The following RPS6KC1 variants were observed in gnomAD, a reference collection of about 807,000 sequenced individuals.
RPS6KC1 encodes the protein inactive ribosomal protein S6 kinase delta-1.
A neutral mutation model predicts 103.8 loss-of-function variants in RPS6KC1; 54 were observed. The observed-to-expected ratio is 0.52, with a 90% confidence interval of 0.42 to 0.65. The LOEUF (loss-of-function observed/expected upper bound fraction) is 0.65, where lower values mean the gene tolerates loss of function less well. Ranked by LOEUF, RPS6KC1 falls within the 30% of genes least tolerant of loss-of-function variation. The pLI, the probability that RPS6KC1 is intolerant of heterozygous loss-of-function variation, is 0.00. For missense variants in RPS6KC1, 1,151 were observed against 1,253.8 expected, an observed-to-expected ratio of 0.92 and a Z score of 1.24; for synonymous variants, 439 against 438.7, an observed-to-expected ratio of 1.00 and a Z score of -0.01.
At chr1:213,759,387 T>G in the RPS6KC1 span, among the ~76,000 whole-genome samples, 2 of 152,256 alleles carry the variant, frequency 1.3e-5, no homozygotes, top group African/African-American at 2.4e-5. Context: ...GATACTTGCT[T>G]CATTGCAATG....
chr1:213,151,049 C>T (rs2088718639), intron 6 of RPS6KC1, among the ~76,000 whole-genome samples: 1 of 145,988 alleles, frequency 6.8e-6, no homozygotes, highest in African/African-American at 2.5e-5. Context: ...AGGGGCTCCT[C>T]ACTTCCCAGT....
At chr1:213,399,306 C>A in the RPS6KC1 span, among the ~76,000 whole-genome samples, 1 of 152,190 alleles carries the variant, frequency 6.6e-6, no homozygotes, top group Non-Finnish European at 1.5e-5. Flanking sequence ...CAGGATGCAA[C>A]TCAGTCCTGG....
the RPS6KC1 span, among the ~76,000 whole-genome samples, chr1:213,428,452 CCCTTCCTTCTTT>C: frequency 4.5e-5 from 4 of 89,842 alleles, no homozygotes; most frequent in Non-Finnish European, 4.4e-5. Context: ...ATCCCTCCCT[CCCTTCCTTCTTT>C]CCTCCCTCCC....
chr1:213,179,307 C>T (rs1247879144), intron 8 of RPS6KC1, among the ~76,000 whole-genome samples: 8 of 151,392 alleles, frequency 5.3e-5, no homozygotes, highest in South Asian at 4.2e-4. Flanking sequence ...CCCAGCTACT[C>T]GGGAGGCTGA....
At chr1:213,173,832 G>A (rs1295859194) in intron 7 of RPS6KC1, among the ~76,000 whole-genome samples, 7 of 152,210 alleles carry the variant, frequency 4.6e-5, no homozygotes. Flanking sequence ...CATAGTGGGT[G>A]CACAGTAATT....
At chr1:213,080,502 C>A (rs970815743) in intron 3 of RPS6KC1, among the ~76,000 whole-genome samples, 2 of 152,144 alleles carry the variant, frequency 1.3e-5, no homozygotes, top group Non-Finnish European at 2.9e-5. Context: ...TTTATATTCT[C>A]TTTAATAGTC....
the RPS6KC1 span, among the ~76,000 whole-genome samples, chr1:213,826,665 C>T: frequency 1.3e-5 from 2 of 152,180 alleles, no homozygotes; most frequent in African/African-American, 4.8e-5. Context: ...CATAGATTAT[C>T]CAGAGGTAGC....
At chr1:213,230,087 T>C (rs964131558) in intron 8 of RPS6KC1, among the ~76,000 whole-genome samples, 4 of 152,274 alleles carry the variant, frequency 2.6e-5, no homozygotes, top group African/African-American at 9.6e-5. Context: ...GCCTGAGTTA[T>C]TGAGATCACA....
intron 3 of RPS6KC1, among the ~76,000 whole-genome samples, chr1:213,082,313 C>T (rs191729686): frequency 2.0e-5 from 3 of 152,134 alleles, no homozygotes; most frequent in African/African-American, 4.8e-5. Flanking sequence ...TGCCTGTAGT[C>T]CCAACTACTC....
the RPS6KC1 span, among the ~76,000 whole-genome samples, chr1:213,538,519 G>A: frequency 1.3e-5 from 2 of 152,128 alleles, 1 homozygote; most frequent in South Asian, 4.1e-4. Context: ...AAGATTTTAA[G>A]GTAGAACGAG....
chr1:213,134,380 C>T (rs1269873842), intron 6 of RPS6KC1, among the ~76,000 whole-genome samples: 1 of 151,608 alleles, frequency 6.6e-6, no homozygotes, highest in Non-Finnish European at 1.5e-5. Flanking sequence ...CTCCTCTTCT[C>T]TTCTCTTGCA....
At chr1:213,097,717 A>G (rs1371198460) in intron 3 of RPS6KC1, among the ~76,000 whole-genome samples, 1 of 152,228 alleles carries the variant, frequency 6.6e-6, no homozygotes, top group African/African-American at 2.4e-5. Context: ...TAGTGTAGCC[A>G]TCTTTATCAA....
chr1:213,549,618 T>C, the RPS6KC1 span, among the ~76,000 whole-genome samples: 2 of 26,880 alleles, frequency 7.4e-5, no homozygotes, highest in East Asian at 1.2e-3. Flanking sequence ...TTTCCTTTTT[T>C]TTTTTTTTTT....
At chr1:213,663,775 C>T in the RPS6KC1 span, among the ~76,000 whole-genome samples, 1 of 152,182 alleles carries the variant, frequency 6.6e-6, no homozygotes, top group East Asian at 1.9e-4. Flanking sequence ...TTGGCACTCA[C>T]AGCTGGGTTC....
intron 8 of RPS6KC1, among the ~76,000 whole-genome samples, chr1:213,221,206 TAGAA>T (rs1038114991): frequency 8.5e-5 from 13 of 152,270 alleles, no homozygotes; most frequent in Non-Finnish European, 1.5e-5. Flanking sequence ...TTTTTTTTAA[TAGAA>T]AGATCACATA....
At chr1:213,711,693 T>G in the RPS6KC1 span, among the ~76,000 whole-genome samples, 4 of 152,340 alleles carry the variant, frequency 2.6e-5, no homozygotes, top group African/African-American at 9.6e-5. Flanking sequence ...AGATGGAGTT[T>G]TTGCATGGTC....
At chr1:213,070,266 T>G (rs1050233577) in intron 1 of RPS6KC1, among the ~76,000 whole-genome samples, 1 of 152,212 alleles carries the variant, frequency 6.6e-6, no homozygotes, top group Non-Finnish European at 1.5e-5. Context: ...ATGCTTCTAA[T>G]TTGTATATAG....
intron 10 of RPS6KC1, among the ~76,000 whole-genome samples, chr1:213,233,002 C>T (rs529350766): frequency 1.6e-3 from 241 of 151,966 alleles, no homozygotes; most frequent in African/African-American, 5.6e-3. Flanking sequence ...AATTGTTTTC[C>T]GTATCTCGTG....
chr1:213,184,816 T>C (rs766024096), intron 8 of RPS6KC1, among the ~76,000 whole-genome samples: 4 of 152,204 alleles, frequency 2.6e-5, no homozygotes, highest in South Asian at 2.1e-4. Context: ...CCTCTTGTTA[T>C]TGATTTTGTG....
Sources: gnomAD v4.1 joint callset for allele counts (sites outside exome capture counted in the v4.1 genomes callset) on GRCh38, gnomAD v4.1.1 for gene constraint, MANE v1.5 for transcripts, NCBI Gene and HGNC (gene_info 2026-07-23, HGNC 2026-07-21) for gene names.